Variants in TRPC4 observed in about 807,000 individuals in gnomAD.
The protein encoded by TRPC4 is short transient receptor potential channel 4.
TRPC4 carries 49 observed loss-of-function variants against 99.4 expected under a neutral mutation model. The ratio of observed to expected loss-of-function variants is 0.49; its 90% CI spans 0.39 to 0.63. TRPC4 has a LOEUF of 0.63. TRPC4 is among the 20% of genes least tolerant of loss of function. The pLI, the probability that TRPC4 is intolerant of heterozygous loss-of-function variation, is 0.00. For synonymous variants in TRPC4, 454 were observed against 425.9 expected (o/e 1.07, Z -0.81); for missense variants, 898 against 1,152.9 (o/e 0.78, Z 3.20).
At chr13:37,803,072 G>A (rs1484152851) in intron 1 of TRPC4, among the ~76,000 whole-genome samples, 1 of 151,478 alleles carries the variant, frequency 6.6e-6, no homozygotes, top group Non-Finnish European at 1.5e-5. Context: ...TTCTTTTATT[G>A]CCCAAACTGT....
At chr13:37,755,608 G>T (rs913751591) in intron 2 of TRPC4, among the ~76,000 whole-genome samples, 1 of 151,058 alleles carries the variant, frequency 6.6e-6, no homozygotes, top group African/African-American at 2.4e-5. Flanking sequence ...CACTATATTG[G>T]CCAGGCTGGT....
chr13:37,653,843 G>T (rs1476961610), intron 7 of TRPC4, among the ~76,000 whole-genome samples: 1 of 152,086 alleles, frequency 6.6e-6, no homozygotes, highest in Non-Finnish European at 1.5e-5. Context: ...ATTTGTTGTT[G>T]TTGCTGACGT....
intron 2 of TRPC4, among the ~76,000 whole-genome samples, chr13:37,757,727 TA>T (rs1270662480): frequency 6.6e-6 from 1 of 151,616 alleles, no homozygotes; most frequent in Non-Finnish European, 1.5e-5. Context: ...AAAATGTAAA[TA>T]AAAGTTACTG....
In TRPC4 at chr13:37,782,962, T is replaced by C. The variant is rs753569554; in HGVS notation, c.372A>G (p.Glu124=). The C allele has an allele frequency of 2.1e-6, 3 of 1,438,102 alleles. No homozygotes were observed. The highest frequency in any genetic ancestry group is 2.8e-6 in the Non-Finnish European group (3 of 1,086,522). The allele number at this position is 1,438,102 out of a possible 1,614,324, so 89.1% of individuals were successfully genotyped here. A position where few individuals can be genotyped will look rare whatever the true frequency, so the allele number is the denominator to read the frequency against. Reference sequence around the variant, plus strand: ...ACTGTATTTTTGCAGGTACCTGTTTTTCTCCACTAGGTTTTTTGTGGTTCA... The same window carrying C: ...ACTGTATTTTTGCAGGTACCTGTTTCTCTCCACTAGGTTTTTTGTGGTTCA... The part of the protein sequence containing the change: ...LLLNHKKPSG[E]KQVPPILLDK... Residue 124 remains glutamate (E), a synonymous_variant, in exon 2 of 11, where the codon GAA becomes GAG. Coordinates refer to ENST00000379705, the MANE Select transcript of TRPC4 (RefSeq NM_016179.4).
chr13:37,856,390 TA>T (rs34818320), intron 1 of TRPC4, among the ~76,000 whole-genome samples: 2,154 of 109,986 alleles, frequency 0.02, 32 homozygotes, highest in African/African-American at 0.058. Flanking sequence ...AGTCTCCTAG[TA>T]AAAAAAAAAA....
rs755182361 is a variant in TRPC4 at position 37,746,200 on chromosome 13, A to C, written c.634T>G (p.Ser212Ala). 5.6e-6 allele frequency: 9 copies of C among 1,613,826 alleles called. No individual in the cohort carries two copies. The highest frequency in any genetic ancestry group is 1.1e-5 in the South Asian group (1 of 91,088). ...GCTGTGAGAAAAGGATCTTCGCTTGACAGTGCAATGAGAGAGGGACTGGCC... is the reference window on the plus strand; with the variant it reads ...GCTGTGAGAAAAGGATCTTCGCTTGCCAGTGCAATGAGAGAGGGACTGGCC... Reference protein sequence around the residue: ...ALASPSLIALSSEDPFLTAFQ... With the variant: ...ALASPSLIALASEDPFLTAFQ... Residue 212 changes from serine (S) to alanine (A), a missense_variant, in exon 3 of 11, where the codon TCA (serine) becomes GCA (alanine). Ser to Ala is a moderately conservative substitution (Grantham distance 99). Transcript: ENST00000379705.
intron 8 of TRPC4, among the ~76,000 whole-genome samples, chr13:37,643,207 G>A (rs1951778139): frequency 6.6e-6 from 1 of 152,098 alleles, no homozygotes; most frequent in African/African-American, 2.4e-5. Flanking sequence ...CTCCATTTTG[G>A]AATTAGAACT....
intron 2 of TRPC4, among the ~76,000 whole-genome samples, chr13:37,758,407 T>C (rs1956145799): frequency 6.6e-6 from 1 of 151,798 alleles, no homozygotes; most frequent in South Asian, 2.1e-4. Context: ...TCACTATTCC[T>C]AGAAATGATA....
chr13:37,775,358 C>G (rs1355742563), intron 2 of TRPC4, among the ~76,000 whole-genome samples: 1 of 151,166 alleles, frequency 6.6e-6, no homozygotes, highest in Admixed American at 6.6e-5. Flanking sequence ...CCGTAATCCC[C>G]TTCTTTTTCT....
chr13:37,868,313 T>C (rs1183164633), intron 1 of TRPC4, among the ~76,000 whole-genome samples: 1 of 151,902 alleles, frequency 6.6e-6, no homozygotes, highest in East Asian at 1.9e-4. Context: ...CCCTTAAACA[T>C]TTAAGGAGGA....
At chr13:37,807,079 A>T (rs903945593) in intron 1 of TRPC4, among the ~76,000 whole-genome samples, 12 of 152,096 alleles carry the variant, frequency 7.9e-5, no homozygotes, top group Non-Finnish European at 1.5e-4. Context: ...ATCTTAAAAA[A>T]TTGAACTTAC....
intron 5 of TRPC4, among the ~76,000 whole-genome samples, chr13:37,665,121 C>T (rs941293244): frequency 2.6e-5 from 4 of 152,118 alleles, no homozygotes; most frequent in African/African-American, 4.8e-5. Flanking sequence ...GGATACTAAA[C>T]ATTACCTAAT....
At chr13:37,834,752 A>G (rs956104336) in intron 1 of TRPC4, among the ~76,000 whole-genome samples, 3 of 152,096 alleles carry the variant, frequency 2.0e-5, no homozygotes, top group African/African-American at 4.8e-5. Flanking sequence ...TTTGAGACAG[A>G]GTCTCGCTCT....
intron 1 of TRPC4, among the ~76,000 whole-genome samples, chr13:37,822,803 G>A (rs1346178677): frequency 8.6e-5 from 13 of 152,030 alleles, no homozygotes; most frequent in Non-Finnish European, 1.8e-4. Context: ...GGATGGCTGG[G>A]TCAAATGGTA....
chr13:37,808,235 G>A (rs955722567), intron 1 of TRPC4, among the ~76,000 whole-genome samples: 10 of 152,090 alleles, frequency 6.6e-5, no homozygotes, highest in African/African-American at 2.2e-4. Context: ...GGTCTTTAGT[G>A]AAGTTGAAAA....
rs191340643 is a variant in TRPC4 at position 37,632,122 on chromosome 13, T to C, written c.*4781A>G. 1.3e-5 allele frequency among the ~76,000 whole-genome samples: 2 copies of C among 152,308 alleles called. No homozygotes were observed. Among genetic ancestry groups the C allele is most frequent in the African/African-American group, 4.8e-5 (2 of 41,578 alleles). ...CAAAACTTTTTTGAGTAATTAAAGA[T>C]AGAATTTTCTACCTTTGCAATTCAG... On this transcript the variant is annotated 3_prime_UTR_variant, in exon 11 of 11. Transcript: ENST00000379705.
chr13:37,706,476 T>TA (rs1244213710), intron 3 of TRPC4, among the ~76,000 whole-genome samples: 1 of 152,110 alleles, frequency 6.6e-6, no homozygotes, highest in Non-Finnish European at 1.5e-5. Flanking sequence ...GCTTAGAAGC[T>TA]ATTCTTTTTT....
intron 1 of TRPC4, among the ~76,000 whole-genome samples, chr13:37,800,611 C>A (rs79168440): frequency 0.043 from 6,558 of 151,970 alleles, 491 homozygotes; most frequent in African/African-American, 0.15. Context: ...TAGAAATATT[C>A]TCCAAATGTA....
chr13:37,815,898 C>T (rs1957840299), intron 1 of TRPC4, among the ~76,000 whole-genome samples: 2 of 149,822 alleles, frequency 1.3e-5, no homozygotes, highest in African/African-American at 4.9e-5. Flanking sequence ...AAAAAAAAAT[C>T]AAATCATACC....
Sources: gnomAD v4.1 joint callset for allele counts (sites outside exome capture counted in the v4.1 genomes callset) on GRCh38, gnomAD v4.1.1 for gene constraint, MANE v1.5 for transcripts, NCBI Gene and HGNC (gene_info 2026-07-23, HGNC 2026-07-21) for gene names.